CRYBG1: variants seen among roughly 807,000 people sequenced by gnomAD.
The protein encoded by CRYBG1 is crystallin beta-gamma domain containing 1.
CRYBG1 carries 139 observed loss-of-function variants against 189.2 expected under a neutral mutation model. The ratio of observed to expected loss-of-function variants is 0.73; its 90% CI spans 0.64 to 0.85. The LOEUF (loss-of-function observed/expected upper bound fraction) is 0.85. Among genes scored for constraint, CRYBG1 ranks in the 40% least tolerant of loss-of-function variants. CRYBG1 has a pLI of 0.00. For missense variants in CRYBG1, 2,611 were observed against 2,675.8 expected (o/e 0.98, Z 0.53); for synonymous variants, 1,023 against 1,017.1 (o/e 1.01, Z -0.11).
intron 1 of CRYBG1, among the ~76,000 whole-genome samples, chr6:106,388,094 G>T (rs192126770): frequency 1.3e-5 from 2 of 152,174 alleles, no homozygotes; most frequent in Non-Finnish European, 2.9e-5. Context: ...GCAGATCCTT[G>T]TTTGGATGTC....
At position 106,520,275 on chromosome 6, in the gene CRYBG1, G is replaced by A. The variant is rs1773563453; in HGVS notation, c.3067G>A (p.Ala1023Thr). 1 of 1,614,150 alleles carries A rather than the reference G, an allele frequency of 6.2e-7. No homozygotes were observed. Among genetic ancestry groups the A allele is most frequent in the South Asian group, 1.1e-5 (1 of 91,086 alleles). The change falls in exon 4 of 22, where the codon GCA becomes ACA. Residue 1023 changes from alanine (A) to threonine (T), a missense_variant. Transcript: ENST00000633556. ...EHSHCTAELAAKSGPQVIPPA... is the reference protein window; with the variant it reads ...EHSHCTAELATKSGPQVIPPA... Reference sequence around the variant, plus strand: ...CTCTCATTGCACAGCAGAGCTCGCGGCAAAATCTGGCCCACAAGTCATACC... The same window carrying A: ...CTCTCATTGCACAGCAGAGCTCGCGACAAAATCTGGCCCACAAGTCATACC...
intron 16 of CRYBG1, among the ~76,000 whole-genome samples, chr6:106,554,727 C>T (rs138097752): frequency 5.3e-5 from 8 of 152,328 alleles, no homozygotes; most frequent in African/African-American, 1.9e-4. Context: ...TTATTACCTC[C>T]AGTCCTGTGC....
intron 10 of CRYBG1, among the ~76,000 whole-genome samples, chr6:106,542,542 A>AGTG (rs951733479): frequency 6.6e-6 from 1 of 151,020 alleles, no homozygotes; most frequent in Admixed American, 6.6e-5. Flanking sequence ...GGCCTCCCAA[A>AGTG]GTGCTGGAAT....
chr6:106,562,971 G>C (rs72943025), intron 20 of CRYBG1, among the ~76,000 whole-genome samples: 6,017 of 152,162 alleles, frequency 0.04, 171 homozygotes, highest in Non-Finnish European at 0.06. Flanking sequence ...GGGCCCACAA[G>C]TGCATGCCAC....
chr6:106,512,659 G>A lies in CRYBG1; in HGVS notation c.1542G>A (p.Lys514=). The change falls in exon 3 of 22, where the codon AAG becomes AAA. Residue 514 remains lysine (K), a synonymous_variant. Coordinates refer to ENST00000633556, the MANE Select transcript of CRYBG1 (RefSeq NM_001371242.2). ...CACCCCCGGCTTCGTCCCCCACGAA[G>A]AGGAAGGGCAGGAGCCGTGCCCTCG... The part of the protein sequence containing the change: ...KQPPPASSPT[K]RKGRSRALEA... The A allele has an allele frequency of 6.3e-7, 1 of 1,579,966 alleles. No homozygotes were observed. The highest frequency in any genetic ancestry group is 8.6e-7 in the Non-Finnish European group (1 of 1,163,976).
At chr6:106,522,350 A>T (rs1005957519) in intron 4 of CRYBG1, among the ~76,000 whole-genome samples, 6 of 151,876 alleles carry the variant, frequency 4.0e-5, no homozygotes, top group African/African-American at 1.5e-4. Flanking sequence ...TTAGGGAAAT[A>T]TTTTTTTTAC....
At chr6:106,504,462 C>T (rs1773085064) in intron 2 of CRYBG1, among the ~76,000 whole-genome samples, 1 of 151,994 alleles carries the variant, frequency 6.6e-6, no homozygotes, top group Non-Finnish European at 1.5e-5. Flanking sequence ...AATGTAGTAA[C>T]AGAGGTTCAT....
chr6:106,408,245 T>C (rs1199413500), intron 1 of CRYBG1, among the ~76,000 whole-genome samples: 1 of 152,092 alleles, frequency 6.6e-6, no homozygotes, highest in African/African-American at 2.4e-5. Context: ...TTAGAAACAC[T>C]GCTATGCAAA....
intron 1 of CRYBG1, among the ~76,000 whole-genome samples, chr6:106,384,628 G>A (rs1770350391): frequency 6.6e-6 from 1 of 152,110 alleles, no homozygotes; most frequent in Admixed American, 6.6e-5. Context: ...GGAAATGGAA[G>A]CATGCTTCTC....
At chr6:106,411,783 C>G (rs546841525) in intron 1 of CRYBG1, among the ~76,000 whole-genome samples, 2 of 152,238 alleles carry the variant, frequency 1.3e-5, no homozygotes, top group East Asian at 3.9e-4. Flanking sequence ...TGCCAAAGGC[C>G]TGAGAGCCCC....
intron 2 of CRYBG1, among the ~76,000 whole-genome samples, chr6:106,456,319 ATT>A (rs34545384): frequency 1.3e-4 from 19 of 142,418 alleles, no homozygotes; most frequent in African/African-American, 3.1e-4. Flanking sequence ...ATGCCCAGCT[ATT>A]TTTTTTTTTT....
intron 1 of CRYBG1, among the ~76,000 whole-genome samples, chr6:106,368,370 A>G (rs1045829942): frequency 6.6e-6 from 1 of 152,208 alleles, no homozygotes; most frequent in Non-Finnish European, 1.5e-5. Context: ...AAAGTGATTT[A>G]TGTATTGAAA....
chr6:106,445,405 C>G (rs6929196), intron 1 of CRYBG1, among the ~76,000 whole-genome samples: 97 of 152,294 alleles, frequency 6.4e-4, no homozygotes, highest in African/African-American at 2.3e-3. Context: ...ATGAACTCAT[C>G]TGAAAAATGG....
chr6:106,363,820 G>C lies in CRYBG1; in HGVS notation c.173+2739G>C, dbSNP rs182471089. Among the ~76,000 whole-genome samples, 6 of 152,240 alleles carry C rather than the reference G, an allele frequency of 3.9e-5. No individual in the cohort carries two copies. The East Asian group carries it at 1.2e-3, about 29-fold the overall frequency. On this transcript the variant is annotated intron_variant, in intron 1 of 21. Transcript: ENST00000633556. ...GACAATAGGATGCTGACTCTGTAGG[G>C]TTGTCATGAATATTAAATGAAAGTT...
intron 8 of CRYBG1, among the ~76,000 whole-genome samples, chr6:106,533,104 A>T (rs1773912609): frequency 3.3e-5 from 5 of 152,222 alleles, no homozygotes; most frequent in Admixed American, 2.6e-4. Context: ...AGAAACATAA[A>T]TTACAGAGGG....
chr6:106,393,399 A>G (rs1329325160), intron 1 of CRYBG1, among the ~76,000 whole-genome samples: 1 of 106,824 alleles, frequency 9.4e-6, no homozygotes, highest in Non-Finnish European at 1.9e-5. Flanking sequence ...ACGCTAACAT[A>G]GTGGTGAGCA....
At position 106,500,485 on chromosome 6, in the gene CRYBG1, T is replaced by TTCAGA. The variant is rs940029102; in HGVS notation, c.313-10942_313-10938dup. Among the ~76,000 whole-genome samples the TTCAGA allele has an allele frequency of 5.3e-5, 8 of 152,128 alleles. No homozygotes were observed. The East Asian group carries it at 1.5e-3, about 29-fold the overall frequency. ...CATGTCTTCTTTTATGAAATGCCAG[T>TTCAGA]TCAGATCCTTTTTCCATTTTTTAAA... On this transcript the variant is annotated intron_variant, in intron 2 of 21. Transcript: ENST00000633556.
intron 8 of CRYBG1, among the ~76,000 whole-genome samples, chr6:106,538,728 T>TA (rs892105530): frequency 1.1e-4 from 16 of 147,550 alleles, no homozygotes; most frequent in South Asian, 2.2e-4. Flanking sequence ...CCCCCTCTAC[T>TA]AAAAAAAAAA....
rs1261461296 is a variant in CRYBG1 at position 106,519,814 on chromosome 6, C to T, written c.2606C>T (p.Ser869Phe). The T allele has an allele frequency of 1.1e-5, 17 of 1,614,202 alleles. No individual in the cohort carries two copies. Among genetic ancestry groups the T allele is most frequent in the South Asian group, 3.3e-5 (3 of 91,090 alleles). The change falls in exon 4 of 22, where the codon TCT (serine) becomes TTT (phenylalanine). Residue 869 changes from serine (S) to phenylalanine (F), a missense_variant. Transcript: ENST00000633556. Reference protein sequence around the residue: ...FSDSQSPAESSPGPSLSLSAP... With the variant: ...FSDSQSPAESFPGPSLSLSAP... ...GACTCACAGTCCCCTGCTGAGTCATCTCCTGGGCCTTCTCTTTCACTGTCT... is the reference window on the plus strand; with the variant it reads ...GACTCACAGTCCCCTGCTGAGTCATTTCCTGGGCCTTCTCTTTCACTGTCT...
Sources: allele counts gnomAD v4.1 joint callset (sites outside exome capture counted in the v4.1 genomes callset), GRCh38; gene constraint gnomAD v4.1.1; transcripts MANE v1.5; gene names NCBI Gene and HGNC (gene_info 2026-07-23, HGNC 2026-07-21).